The following DLC1 variants were observed in gnomAD, a reference collection of about 807,000 sequenced individuals.
DLC1 encodes DLC1 Rho GTPase activating protein, also known as rho GTPase-activating protein 7.
DLC1 carries 54 observed loss-of-function variants against 140.3 expected under a neutral mutation model. That is an observed-to-expected ratio of 0.38 (90% CI 0.31 to 0.48). The LOEUF (loss-of-function observed/expected upper bound fraction) is 0.48. Ranked by LOEUF, DLC1 falls within the 20% of genes least tolerant of loss-of-function variation. The pLI is 0.96. For missense variants in DLC1, 2,536 were observed against 1,907.0 expected, an observed-to-expected ratio of 1.33 and a Z score of -6.14; for synonymous variants, 986 against 728.1, an observed-to-expected ratio of 1.35 and a Z score of -5.70.
At chr8:13,524,572 A>G (rs776870517) in intron 1 of DLC1, among the ~76,000 whole-genome samples, 2 of 152,132 alleles carry the variant, frequency 1.3e-5, no homozygotes, top group Non-Finnish European at 2.9e-5. Context: ...ATGATTTTTT[A>G]TCTAATACCA....
intron 2 of DLC1, among the ~76,000 whole-genome samples, chr8:13,492,127 G>A (rs1287289062): frequency 6.6e-6 from 1 of 152,094 alleles, no homozygotes; most frequent in Non-Finnish European, 1.5e-5. Context: ...GAAAACTGGG[G>A]AAATTAAACA....
intron 5 of DLC1, among the ~76,000 whole-genome samples, chr8:13,270,545 A>G (rs1466951029): frequency 6.6e-6 from 1 of 152,160 alleles, no homozygotes; most frequent in African/African-American, 2.4e-5. Flanking sequence ...CAGATATCGT[A>G]TATCTAGCTT....
intron 4 of DLC1, among the ~76,000 whole-genome samples, chr8:13,344,326 C>A (rs1834214902): frequency 6.6e-6 from 1 of 151,916 alleles, no homozygotes; most frequent in Non-Finnish European, 1.5e-5. Context: ...AAACTTTGTC[C>A]CTACTAAAAA....
chr8:13,246,855 A>T (rs1386600744), intron 5 of DLC1, among the ~76,000 whole-genome samples: 1 of 152,200 alleles, frequency 6.6e-6, no homozygotes, highest in African/African-American at 2.4e-5. Flanking sequence ...ATAAAGCAGT[A>T]TCATAAGGCC....
intron 4 of DLC1, among the ~76,000 whole-genome samples, chr8:13,385,948 G>C (rs1474252069): frequency 6.6e-6 from 1 of 152,130 alleles, no homozygotes; most frequent in East Asian, 1.9e-4. Context: ...ATAAAGTGAA[G>C]ACTGTGAAAA....
Position 13,287,872 on chromosome 8 carries a change from T to C in DLC1, c.1348+17397A>G, listed in dbSNP as rs563847521. 2.9e-3 allele frequency among the ~76,000 whole-genome samples: 442 copies of C among 151,576 alleles called. 3 individuals are homozygous for C. The highest frequency in any genetic ancestry group is 0.01 in the African/African-American group (419 of 41,408). On this transcript the variant is annotated intron_variant, in intron 5 of 17. Transcript: ENST00000276297. ...ATAATTATTATAAGGTAGATTTTCC[T>C]TTTATCTAGCTTTTTTTTTTTAGGA...
intron 1 of DLC1, among the ~76,000 whole-genome samples, chr8:13,505,371 CAT>C (rs1382284438): frequency 3.3e-5 from 5 of 151,986 alleles, no homozygotes; most frequent in African/African-American, 1.2e-4. Flanking sequence ...ATAGTACAAT[CAT>C]ATTGTTTAGA....
At chr8:13,464,778 ATATATATATATATT>A in intron 2 of DLC1, among the ~76,000 whole-genome samples, 1 of 130,016 alleles carries the variant, frequency 7.7e-6, no homozygotes, top group Non-Finnish European at 1.7e-5. Flanking sequence ...ATATATATAT[ATATATATATATATT>A]TATGCTTAAA....
chr8:13,499,323 C>A lies in DLC1; in HGVS notation c.749G>T (p.Cys250Phe), dbSNP rs769675170. Residue 250 changes from cysteine to phenylalanine, a missense_variant, in exon 2 of 18, where the codon TGC (cysteine) becomes TTC (phenylalanine). By Grantham distance (205) the Cys-to-Phe change is radical (BLOSUM62 -2). Transcript: ENST00000276297. ...PPKDENERST[C>F]NVVQNEFLDT... is the part of the protein sequence containing the mutation. ...CAAGAACTCATTTTGTACTACATTG[C>A]AGGTGCTTCTTTCATTTTCATCTTT... The A allele has an allele frequency of 9.3e-6, 15 of 1,614,042 alleles. No homozygotes were observed. Among genetic ancestry groups the A allele is most frequent in the Non-Finnish European group, 1.2e-5 (14 of 1,180,022 alleles).
At chr8:13,199,177 CTTTTTTTTTT>C (rs71207132) in intron 5 of DLC1, among the ~76,000 whole-genome samples, 1 of 93,288 alleles carries the variant, frequency 1.1e-5, no homozygotes, top group South Asian at 4.0e-4. Context: ...TTCTCTTTTT[CTTTTTTTTTT>C]TTTTTTTTTT....
intron 5 of DLC1, among the ~76,000 whole-genome samples, chr8:13,286,588 G>T (rs939948575): frequency 1.8e-4 from 28 of 151,844 alleles, no homozygotes; most frequent in African/African-American, 6.8e-4. Flanking sequence ...CCTTTTCAAG[G>T]CACAGAATGC....
chr8:13,162,175 A>C (rs1333243398), intron 5 of DLC1, among the ~76,000 whole-genome samples: 1 of 152,216 alleles, frequency 6.6e-6, no homozygotes, highest in East Asian at 1.9e-4. Context: ...ACTACTTAAG[A>C]GAAACATAAG....
chr8:13,087,064 C>T lies in DLC1; in HGVS notation c.4293-601G>A, dbSNP rs577002048. Among the ~76,000 whole-genome samples, 6 of 152,286 alleles carry T rather than the reference C, an allele frequency of 3.9e-5. No individual in the cohort carries two copies. The East Asian group carries it at 1.2e-3, about 29-fold the overall frequency. ...CTGCACATTTGCTCTTTTGCTCTCCCTTGCCCTCTCTTTGCCCTTCCACTA... is the reference window on the plus strand; with the variant it reads ...CTGCACATTTGCTCTTTTGCTCTCCTTTGCCCTCTCTTTGCCCTTCCACTA... On this transcript the variant is annotated intron_variant, in intron 16 of 17. Transcript: ENST00000276297.
chr8:13,389,426 G>C (rs1836655888), intron 4 of DLC1, among the ~76,000 whole-genome samples: 1 of 152,064 alleles, frequency 6.6e-6, no homozygotes, highest in Non-Finnish European at 1.5e-5. Context: ...GAAGAGTCTA[G>C]TACGAAAGGC....
At chr8:13,482,313 A>ATCATGG (rs1423072452) in intron 2 of DLC1, among the ~76,000 whole-genome samples, 1 of 150,756 alleles carries the variant, frequency 6.6e-6, no homozygotes, top group African/African-American at 2.5e-5. Context: ...GAGACAGTTA[A>ATCATGG]TCATGGTGTC....
At chr8:13,133,978 G>A (rs1201533578) in intron 5 of DLC1, among the ~76,000 whole-genome samples, 1 of 152,204 alleles carries the variant, frequency 6.6e-6, no homozygotes, top group Non-Finnish European at 1.5e-5. Flanking sequence ...GCACGTGCTG[G>A]GGGTCACAGC....
At chr8:13,402,563 C>A (rs1837344663) in intron 2 of DLC1, among the ~76,000 whole-genome samples, 1 of 152,220 alleles carries the variant, frequency 6.6e-6, no homozygotes, top group African/African-American at 2.4e-5. Flanking sequence ...TCATTTGTGA[C>A]TTATGTTGCC....
chr8:13,263,459 G>A (rs898665402), intron 5 of DLC1, among the ~76,000 whole-genome samples: 67 of 151,944 alleles, frequency 4.4e-4, no homozygotes, highest in African/African-American at 1.3e-3. Flanking sequence ...AGTAAGATAA[G>A]AGAAATATTA....
chr8:13,168,407 G>C (rs1403677188), intron 5 of DLC1, among the ~76,000 whole-genome samples: 1 of 152,124 alleles, frequency 6.6e-6, no homozygotes, highest in African/African-American at 2.4e-5. Flanking sequence ...GTGTCTGAAA[G>C]GAGAGCTTAA....
Sources: gnomAD v4.1 joint callset for allele counts (sites outside exome capture counted in the v4.1 genomes callset) on GRCh38, gnomAD v4.1.1 for gene constraint, MANE v1.5 for transcripts, NCBI Gene and HGNC (gene_info 2026-07-23, HGNC 2026-07-21) for gene names.